Variants in ZNF385D observed in about 807,000 individuals in gnomAD.
The protein encoded by ZNF385D is zinc finger protein 659.
A neutral mutation model predicts 35.8 loss-of-function variants in ZNF385D; 15 were observed. The ratio of observed to expected loss-of-function variants is 0.42; its 90% confidence interval spans 0.28 to 0.64. The LOEUF is 0.64. Among genes scored for constraint, ZNF385D ranks in the 30% least tolerant of loss-of-function variants. ZNF385D has a pLI of 0.23. For synonymous variants in ZNF385D, 212 were observed against 186.8 expected, an observed-to-expected ratio of 1.13 and a Z score of -1.10; for missense variants, 474 against 494.6, an observed-to-expected ratio of 0.96 and a Z score of 0.39.
chr3:21,614,054 T>C (rs887739348), intron 2 of ZNF385D, among the ~76,000 whole-genome samples: 8 of 152,222 alleles, frequency 5.3e-5, no homozygotes, highest in African/African-American at 1.9e-4. Context: ...TTCTACTTCA[T>C]TTAACATCTG....
chr3:21,847,320 T>A (rs561240458), intron 3 of ZNF385D, among the ~76,000 whole-genome samples: 1 of 152,176 alleles, frequency 6.6e-6, no homozygotes, highest in East Asian at 1.9e-4. Context: ...TTCCACTGTT[T>A]AAGAAAGTTT....
intron 2 of ZNF385D, among the ~76,000 whole-genome samples, chr3:21,584,996 G>C (rs2063769813): frequency 6.6e-6 from 1 of 152,148 alleles, no homozygotes; most frequent in South Asian, 2.1e-4. Context: ...AATCTCCAGA[G>C]AAAAGAGATT....
chr3:21,656,003 A>G (rs949497290), intron 2 of ZNF385D, among the ~76,000 whole-genome samples: 8 of 152,118 alleles, frequency 5.3e-5, no homozygotes, highest in Admixed American at 4.6e-4. Context: ...AAGGCAATAT[A>G]TCGTGTATTT....
intron 3 of ZNF385D, among the ~76,000 whole-genome samples, chr3:21,829,647 G>A (rs1694864729): frequency 6.6e-6 from 1 of 151,998 alleles, no homozygotes; most frequent in African/African-American, 2.4e-5. Flanking sequence ...TCAAGCTGGT[G>A]GTAGTGAGAC....
At chr3:21,711,039 G>GT (rs869252663) in intron 1 of ZNF385D, among the ~76,000 whole-genome samples, 3,077 of 82,990 alleles carry the variant, frequency 0.037, 374 homozygotes, top group African/African-American at 0.042. Flanking sequence ...CCCTCTAAAA[G>GT]TTTTTTTTTT....
At chr3:22,151,564 T>C (rs1705237642) in intron 3 of ZNF385D, among the ~76,000 whole-genome samples, 1 of 152,156 alleles carries the variant, frequency 6.6e-6, no homozygotes, top group Non-Finnish European at 1.5e-5. Context: ...AAGGTCTGCG[T>C]GTGACTAAAG....
intron 3 of ZNF385D, among the ~76,000 whole-genome samples, chr3:21,556,632 A>G (rs1410728099): frequency 6.6e-6 from 1 of 152,090 alleles, no homozygotes; most frequent in African/African-American, 2.4e-5. Flanking sequence ...GTATCCTTGT[A>G]GTATAGTTAG....
rs888766149 is a variant in ZNF385D at position 22,240,906 on chromosome 3, C to T, written c.107-71871G>A. 3.3e-5 allele frequency among the ~76,000 whole-genome samples: 5 copies of T among 150,932 alleles called. 1 individual carries two copies. Among genetic ancestry groups the T allele is most frequent in the Non-Finnish European group, 5.9e-5 (4 of 67,934 alleles). ...GTACTACCTTCATATTAAGTACATG[C>T]TTCTTTTGATGCATATCAAAGTGGA... On this transcript the variant is annotated intron_variant, in intron 2 of 5. Coordinates refer to the ZNF385D transcript ENST00000494108.
chr3:22,230,279 G>C (rs1698808832), intron 2 of ZNF385D, among the ~76,000 whole-genome samples: 1 of 152,068 alleles, frequency 6.6e-6, no homozygotes, highest in African/African-American at 2.4e-5. Context: ...TTTACAATTG[G>C]ATTTATCCTA....
intron 3 of ZNF385D, among the ~76,000 whole-genome samples, chr3:21,552,558 TA>T: frequency 6.6e-6 from 1 of 152,296 alleles, no homozygotes; most frequent in African/African-American, 2.4e-5. Flanking sequence ...TATTGAAAAA[TA>T]AAACTACAGT....
At chr3:22,180,815 C>T (rs912764417) in intron 2 of ZNF385D, among the ~76,000 whole-genome samples, 2 of 151,874 alleles carry the variant, frequency 1.3e-5, no homozygotes, top group Non-Finnish European at 2.9e-5. Context: ...TACGACAAAC[C>T]CACAGCCAAT....
chr3:21,814,846 AC>A (rs1006366280), intron 3 of ZNF385D, among the ~76,000 whole-genome samples: 7 of 152,358 alleles, frequency 4.6e-5, no homozygotes, highest in Admixed American at 4.6e-4. Flanking sequence ...ATAGACATCT[AC>A]AGAGCTCTCC....
intron 2 of ZNF385D, among the ~76,000 whole-genome samples, chr3:22,222,458 C>T (rs1698315672): frequency 6.6e-6 from 1 of 152,086 alleles, no homozygotes; most frequent in African/African-American, 2.4e-5. Context: ...ATTAAAGGCC[C>T]TCAAAGGAAA....
At chr3:21,868,455 T>C (rs760039650) in intron 3 of ZNF385D, among the ~76,000 whole-genome samples, 6 of 152,162 alleles carry the variant, frequency 3.9e-5, no homozygotes, top group Admixed American at 1.3e-4. Flanking sequence ...AACATTCCCC[T>C]TTCCACTTCT....
chr3:22,360,637 C>T (rs1696368743), intron 2 of ZNF385D, among the ~76,000 whole-genome samples: 1 of 151,950 alleles, frequency 6.6e-6, no homozygotes, highest in South Asian at 2.1e-4. Context: ...GTCTTAAGAA[C>T]TCTTTCAAGG....
At chr3:22,301,578 G>A (rs200204998) in intron 2 of ZNF385D, among the ~76,000 whole-genome samples, 1 of 151,892 alleles carries the variant, frequency 6.6e-6, no homozygotes, top group East Asian at 1.9e-4. Context: ...TGCCCATAAA[G>A]TCAAATTATG....
chr3:21,873,200 A>G (rs12485261), intron 3 of ZNF385D, among the ~76,000 whole-genome samples: 10,427 of 152,220 alleles, frequency 0.068, 524 homozygotes, highest in East Asian at 0.18. Flanking sequence ...ACATAGATAT[A>G]TAAGTGTATA....
At chr3:21,622,182 A>T (rs756882976) in intron 2 of ZNF385D, among the ~76,000 whole-genome samples, 1 of 152,148 alleles carries the variant, frequency 6.6e-6, no homozygotes, top group Non-Finnish European at 1.5e-5. Context: ...AGATGAATCT[A>T]TTTTAATAGG....
chr3:22,183,524 A>T (rs1031197816), intron 2 of ZNF385D, among the ~76,000 whole-genome samples: 1 of 151,912 alleles, frequency 6.6e-6, no homozygotes, highest in African/African-American at 2.4e-5. Flanking sequence ...TGCCCAGCTA[A>T]TTTTTGTATT....
Sources: allele counts gnomAD v4.1 joint callset (sites outside exome capture counted in the v4.1 genomes callset), GRCh38; gene constraint gnomAD v4.1.1; transcripts MANE v1.5; gene names NCBI Gene and HGNC (gene_info 2026-07-23, HGNC 2026-07-21).